RIN2: variants seen among roughly 807,000 people sequenced by gnomAD.
RIN2 encodes RAB5 interacting protein 2.
A neutral mutation model predicts 78.0 loss-of-function variants in RIN2; 36 were observed. That is an observed-to-expected ratio of 0.46 (90% CI 0.35 to 0.61). The LOEUF is 0.61. Ranked by LOEUF, RIN2 falls within the 20% of genes least tolerant of loss-of-function variation. RIN2 has a pLI of 0.00. For synonymous variants in RIN2, 466 were observed against 466.8 expected (o/e 1.00, Z 0.02); for missense variants, 1,087 against 1,159.7 (o/e 0.94, Z 0.91).
chr20:19,869,851 G>A (rs1346392897), intron 2 of RIN2, among the ~76,000 whole-genome samples: 7 of 149,450 alleles, frequency 4.7e-5, no homozygotes, highest in South Asian at 2.1e-4. Context: ...AAGGGGGTTC[G>A]CTATGTTGCC....
At chr20:19,914,474 A>G (rs1000105192) in intron 3 of RIN2, among the ~76,000 whole-genome samples, 1 of 152,232 alleles carries the variant, frequency 6.6e-6, no homozygotes, top group African/African-American at 2.4e-5. Context: ...AAAAATTTGC[A>G]TTAAACAGTT....
chr20:19,945,031 C>A (rs2041029333), intron 4 of RIN2, among the ~76,000 whole-genome samples: 1 of 152,214 alleles, frequency 6.6e-6, no homozygotes, highest in East Asian at 1.9e-4. Flanking sequence ...ACAGTCCAGG[C>A]ACTTAGAATC....
chr20:19,775,416 C>T (rs1268988865), intron 1 of RIN2, among the ~76,000 whole-genome samples: 1 of 152,234 alleles, frequency 6.6e-6, no homozygotes, highest in East Asian at 1.9e-4. Context: ...ATGTTAGCAT[C>T]TGGCTCCCTC....
Position 19,821,509 on chromosome 20 carries a change from T to C in RIN2, c.-37+21762T>C, listed in dbSNP as rs553287596. Among the ~76,000 whole-genome samples the C allele has an allele frequency of 4.3e-4, 66 of 152,256 alleles. 3 individuals carry two copies. In the South Asian group the frequency reaches 0.013, roughly 31 times the overall value. On this transcript the variant is annotated intron_variant, in intron 2 of 12. Coordinates refer to ENST00000255006, the MANE Select transcript of RIN2 (RefSeq NM_018993.4). ...ATAGGATCAAACCTCAATTTGTCTCTATGGCCTAAGGATGATCTGATCTTC... is the reference window on the plus strand; with the variant it reads ...ATAGGATCAAACCTCAATTTGTCTCCATGGCCTAAGGATGATCTGATCTTC...
chr20:19,788,359 C>A (rs935170087), intron 1 of RIN2, among the ~76,000 whole-genome samples: 70 of 147,626 alleles, frequency 4.7e-4, no homozygotes, highest in African/African-American at 1.8e-3. Flanking sequence ...CTTTGGGGGG[C>A]TGAGGCAGGC....
chr20:19,888,371 C>T (rs1175789657), intron 2 of RIN2, among the ~76,000 whole-genome samples: 1 of 152,190 alleles, frequency 6.6e-6, no homozygotes, highest in East Asian at 1.9e-4. Flanking sequence ...ATGCACTTCT[C>T]AGCTATAGAT....
intron 2 of RIN2, among the ~76,000 whole-genome samples, chr20:19,817,020 T>G (rs2035786529): frequency 1.3e-5 from 2 of 148,610 alleles, no homozygotes; most frequent in Admixed American, 1.3e-4. Flanking sequence ...ATATAGAGAA[T>G]GTGGAGACAA....
chr20:19,784,151 A>T (rs1027253043), intron 1 of RIN2, among the ~76,000 whole-genome samples: 1 of 152,060 alleles, frequency 6.6e-6, no homozygotes, highest in African/African-American at 2.4e-5. Flanking sequence ...TTTGCCAGCA[A>T]CTCCTGCAAC....
chr20:19,845,574 ATTTT>A (rs58960543), intron 2 of RIN2, among the ~76,000 whole-genome samples: 1 of 138,750 alleles, frequency 7.2e-6, no homozygotes, highest in African/African-American at 2.6e-5. Flanking sequence ...CTACTTTTTG[ATTTT>A]TTTTTTTTTT....
intron 9 of RIN2, among the ~76,000 whole-genome samples, chr20:19,980,780 C>T (rs146688905): frequency 1.5e-3 from 231 of 152,324 alleles, no homozygotes; most frequent in African/African-American, 5.5e-3. Flanking sequence ...ACCGCATAGA[C>T]GCAGCCCTCC....
chr20:19,951,867 C>T (rs938802321), intron 4 of RIN2, among the ~76,000 whole-genome samples: 1 of 152,166 alleles, frequency 6.6e-6, no homozygotes. Flanking sequence ...GATTGTATCA[C>T]AGTGTTTTAC....
chr20:19,968,893 A>G (rs2042018737), intron 7 of RIN2, among the ~76,000 whole-genome samples: 1 of 152,148 alleles, frequency 6.6e-6, no homozygotes, highest in Non-Finnish European at 1.5e-5. Context: ...GGCAGCAGCT[A>G]TTACAGACAC....
chr20:19,968,825 G>C (rs1050335765), intron 7 of RIN2, among the ~76,000 whole-genome samples: 1 of 152,196 alleles, frequency 6.6e-6, no homozygotes, highest in East Asian at 1.9e-4. Context: ...TTACAAGGTT[G>C]TGGTTCCCAT....
chr20:19,789,765 G>A (rs960588736), intron 1 of RIN2, among the ~76,000 whole-genome samples: 50 of 152,250 alleles, frequency 3.3e-4, no homozygotes, highest in African/African-American at 1.2e-3. Context: ...TGTTCAGTCT[G>A]TGCTTTAATA....
At chr20:19,979,791 T>A (rs2042387150) in intron 9 of RIN2, among the ~76,000 whole-genome samples, 1 of 151,920 alleles carries the variant, frequency 6.6e-6, no homozygotes, top group South Asian at 2.1e-4. Flanking sequence ...ACCTGTAATC[T>A]CAGCACTTAA....
intron 2 of RIN2, among the ~76,000 whole-genome samples, chr20:19,839,324 G>T (rs1023693053): frequency 6.6e-6 from 1 of 152,216 alleles, no homozygotes; most frequent in African/African-American, 2.4e-5. Flanking sequence ...CTTGCCCTTG[G>T]GCATGCCCTG....
intron 2 of RIN2, among the ~76,000 whole-genome samples, chr20:19,867,650 T>C (rs2037550708): frequency 6.6e-6 from 1 of 152,234 alleles, no homozygotes; most frequent in Non-Finnish European, 1.5e-5. Context: ...GTGGCAGGAA[T>C]GCCCCAGAGT....
At chr20:19,790,318 A>G (rs1283382697) in intron 1 of RIN2, among the ~76,000 whole-genome samples, 3 of 152,136 alleles carry the variant, frequency 2.0e-5, no homozygotes, top group African/African-American at 7.2e-5. Context: ...CTTCCCACTC[A>G]GATAACTTGA....
chr20:19,845,876 C>G (rs910604856), intron 2 of RIN2, among the ~76,000 whole-genome samples: 1 of 152,144 alleles, frequency 6.6e-6, no homozygotes, highest in African/African-American at 2.4e-5. Flanking sequence ...ATGTTTAAGT[C>G]TTTAATTCAT....
Sources: allele counts gnomAD v4.1 joint callset (sites outside exome capture counted in the v4.1 genomes callset), GRCh38; gene constraint gnomAD v4.1.1; transcripts MANE v1.5; gene names NCBI Gene and HGNC (gene_info 2026-07-23, HGNC 2026-07-21).